ZNF18: variants seen among roughly 807,000 people sequenced by gnomAD.
ZNF18 encodes zinc finger protein 18.
Under a neutral mutation model 58.1 loss-of-function variants are expected in ZNF18, and 42 were observed. The ratio of observed to expected loss-of-function variants is 0.72; its 90% CI spans 0.56 to 0.93. The LOEUF (loss-of-function observed/expected upper bound fraction) is 0.93, where lower values mean the gene tolerates loss of function less well. ZNF18 is among the 40% of genes least tolerant of loss of function. The probability of loss-of-function intolerance (pLI) is 0.00; values close to 1 mark genes in which losing one functional copy is unlikely to be tolerated. For synonymous variants in ZNF18, 231 were observed against 239.8 expected (o/e 0.96, Z 0.34); for missense variants, 540 against 644.2 (o/e 0.84, Z 1.75).
intron 6 of ZNF18, among the ~76,000 whole-genome samples, chr17:11,981,192 T>C (rs1967318612): frequency 6.6e-6 from 1 of 152,110 alleles, no homozygotes; most frequent in South Asian, 2.1e-4. Flanking sequence ...ATTCTAGGTC[T>C]CCTCCCCGGA....
chr17:11,990,616 G>A, intron 3 of ZNF18, 66 bp from the exon 4 acceptor site: 2 of 1,292,216 alleles, frequency 1.5e-6, no homozygotes, highest in Non-Finnish European at 2.2e-6. Context: ...AGAGGGCGCA[G>A]ATAACAATCT....
intron 1 of ZNF18, chr17:11,993,616 C>G (rs1425351507): frequency 6.6e-6 from 1 of 151,744 alleles, no homozygotes; most frequent in African/African-American, 2.4e-5. Context: ...GTCAGGAGAT[C>G]GAAACCATCC....
the ZNF18 span, among the ~76,000 whole-genome samples, chr17:12,009,738 C>G: frequency 1.3e-5 from 2 of 152,170 alleles, no homozygotes; most frequent in African/African-American, 4.8e-5. Flanking sequence ...CAGGCGTGAG[C>G]CACCGCGCCT....
chr17:12,004,580 G>A, the ZNF18 span, among the ~76,000 whole-genome samples: 7 of 152,130 alleles, frequency 4.6e-5, no homozygotes, highest in African/African-American at 1.4e-4. Flanking sequence ...CAAATATTAA[G>A]AAATCTACTA....
At position 11,978,802 on chromosome 17, in the gene ZNF18, A is replaced by G. The variant is rs899696028; in HGVS notation, c.863-58T>C. On this transcript the variant is annotated intron_variant, in intron 6 of 6. Coordinates refer to ENST00000580306, the MANE Select transcript of ZNF18 (RefSeq NM_001303281.2). ...AGTGCTATGCCCTGTTTTCTAACTC[A>G]TATGTCAAAGAGAGGGTCATCATAA... 2.8e-5 allele frequency: 26 copies of G among 938,874 alleles called. No individual in the cohort carries two copies. The African/African-American group carries it at 4.6e-4, about 17-fold the overall frequency. The allele number at this position is 938,874 out of a possible 1,614,324, so 58.2% of individuals were successfully genotyped here.
At chr17:12,014,925 G>A in the ZNF18 span, among the ~76,000 whole-genome samples, 1 of 152,092 alleles carries the variant, frequency 6.6e-6, no homozygotes, top group African/African-American at 2.4e-5. Flanking sequence ...GCGGGTGCCT[G>A]TAGTCCCAGC....
At chr17:12,001,623 C>T (rs1286515142), upstream of ZNF18, among the ~76,000 whole-genome samples, 4 of 151,354 alleles carry the variant, frequency 2.6e-5, no homozygotes, top group South Asian at 2.1e-4. Flanking sequence ...AGAGAGACTC[C>T]GTCTCAAAAC....
At chr17:11,979,128 C>G (rs1308478194) in intron 6 of ZNF18, among the ~76,000 whole-genome samples, 3 of 135,500 alleles carry the variant, frequency 2.2e-5, no homozygotes, top group African/African-American at 7.6e-5. Flanking sequence ...AATATGGTAA[C>G]TAAAAAAAAA....
At chr17:11,991,352 A>C (rs1968117050) in intron 2 of ZNF18, among the ~76,000 whole-genome samples, 189 bp from the exon 3 acceptor site, 1 of 152,232 alleles carries the variant, frequency 6.6e-6, no homozygotes, top group South Asian at 2.1e-4. Context: ...CCAAAAGCTG[A>C]GGCCCGAATC....
chr17:11,997,834 G>C (rs1365801231), upstream of ZNF18, among the ~76,000 whole-genome samples: 2 of 152,146 alleles, frequency 1.3e-5, no homozygotes, highest in African/African-American at 4.8e-5. Flanking sequence ...GAGCTGCAAC[G>C]CTCTGCCATT....
chr17:12,010,915 A>G, the ZNF18 span: 1 of 559,246 alleles, frequency 1.8e-6, no homozygotes, highest in Non-Finnish European at 3.3e-6. Flanking sequence ...TCAGGAAGCT[A>G]TCTTGGCTCT....
chr17:11,988,209 G>A (rs1190248354), intron 4 of ZNF18, among the ~76,000 whole-genome samples: 1 of 152,080 alleles, frequency 6.6e-6, no homozygotes, highest in African/African-American at 2.4e-5. Flanking sequence ...ACTAAAAATG[G>A]GACAAAATGT....
the ZNF18 span, among the ~76,000 whole-genome samples, chr17:12,017,558 T>C: frequency 6.6e-6 from 1 of 152,212 alleles, no homozygotes; most frequent in African/African-American, 2.4e-5. Context: ...AATTACTTTT[T>C]CTTTATTTGG....
At chr17:11,983,222 C>T in intron 6 of ZNF18, 75 bp downstream of exon 6, 1 of 1,154,936 alleles carries the variant, frequency 8.7e-7, no homozygotes, top group African/African-American at 1.5e-5. Flanking sequence ...TGACCTCCTT[C>T]ACCACCTCCC....
At chr17:12,003,008 A>G in the ZNF18 span, among the ~76,000 whole-genome samples, 8 of 152,226 alleles carry the variant, frequency 5.3e-5, no homozygotes, top group Non-Finnish European at 1.2e-4. Context: ...TAGAGCAAAG[A>G]GTGATTTAAC....
chr17:11,998,514 T>C (rs1056190558), upstream of ZNF18: 13 of 151,366 alleles, frequency 8.6e-5, no homozygotes, highest in South Asian at 2.1e-4. Flanking sequence ...ACATGTCCTG[T>C]ACCTGTCATT....
chr17:11,995,161 C>G (rs1161654599), intron 1 of ZNF18, among the ~76,000 whole-genome samples: 1 of 152,116 alleles, frequency 6.6e-6, no homozygotes. Flanking sequence ...GTAATCCTAG[C>G]ATTCTGGGCG....
chr17:12,013,033 C>A, the ZNF18 span, among the ~76,000 whole-genome samples: 1 of 151,888 alleles, frequency 6.6e-6, no homozygotes. Context: ...CTCACTGCAA[C>A]CTCCGCCTCC....
the ZNF18 span, among the ~76,000 whole-genome samples, chr17:12,010,478 C>G: frequency 6.6e-6 from 1 of 151,672 alleles, no homozygotes; most frequent in Non-Finnish European, 1.5e-5. Flanking sequence ...TGCAGTGGCG[C>G]AATCTTGGCT....
Sources: allele counts gnomAD v4.1 joint callset (sites outside exome capture counted in the v4.1 genomes callset), GRCh38; gene constraint gnomAD v4.1.1; transcripts MANE v1.5; gene names NCBI Gene and HGNC (gene_info 2026-07-23, HGNC 2026-07-21).